SIAE: variants seen among roughly 807,000 people sequenced by gnomAD.
SIAE encodes the protein sialic acid acetylesterase, also known as sialate O-acetylesterase.
A neutral mutation model predicts 52.6 loss-of-function variants in SIAE; 39 were observed. The ratio of observed to expected loss-of-function variants is 0.74; its 90% CI spans 0.57 to 0.97. The LOEUF is 0.97. SIAE is among the 50% of genes least tolerant of loss of function. The pLI, the probability that SIAE is intolerant of heterozygous loss-of-function variation, is 0.00. For synonymous variants in SIAE, 233 were observed against 241.4 expected (o/e 0.97, Z 0.32); for missense variants, 592 against 662.1 (o/e 0.89, Z 1.16).
rs570074383 is a variant in SIAE at position 124,649,673 on chromosome 11, A to G, written c.668T>C (p.Ile223Thr). Residue 223 changes from isoleucine (I) to threonine (T), a missense_variant, in exon 5 of 10, where the codon ATT (isoleucine) becomes ACT (threonine). By Grantham distance (89) the Ile-to-Thr change is moderately conservative. Coordinates refer to ENST00000263593, the MANE Select transcript of SIAE (RefSeq NM_170601.5). ...LIASSWGGTPIEAWSSGRSLK... is the reference protein window; with the variant it reads ...LIASSWGGTPTEAWSSGRSLK... Reference sequence around the variant, plus strand: ...TGACCGTCCAGATGACCAGGCTTCAATGGGTGTCCCGCCCCAGCTGGAGGC... The same window carrying G: ...TGACCGTCCAGATGACCAGGCTTCAGTGGGTGTCCCGCCCCAGCTGGAGGC... The G allele has an allele frequency of 3.7e-6, 6 of 1,614,200 alleles. No homozygotes were observed. The highest frequency in any genetic ancestry group is 1.6e-4 in the Middle Eastern group (1 of 6,062).
chr11:124,660,460 T>A, intron 3 of SIAE, 168 bp downstream of exon 3: 2 of 720,422 alleles, frequency 2.8e-6, no homozygotes, highest in Non-Finnish European at 5.0e-6. Context: ...TCTCTTAAGA[T>A]TGTTAAGTCA....
chr11:124,639,901 T>G (rs776407134), intron 7 of SIAE, 34 bp from the exon 8 acceptor site: 2 of 1,611,558 alleles, frequency 1.2e-6, no homozygotes, highest in East Asian at 4.5e-5. Flanking sequence ...TTTTATTGTA[T>G]CAGAATCCCA....
intron 9 of SIAE, among the ~76,000 whole-genome samples, chr11:124,638,053 C>T (rs1008930329): frequency 4.6e-5 from 7 of 152,172 alleles, no homozygotes; most frequent in Admixed American, 2.6e-4. Flanking sequence ...AGAATGACCC[C>T]TGCTAGGTAT....
chr11:124,673,437 G>A (rs892006245), intron 1 of SIAE, among the ~76,000 whole-genome samples: 2 of 152,234 alleles, frequency 1.3e-5, no homozygotes, highest in East Asian at 3.8e-4. Flanking sequence ...TGGTAAGTGG[G>A]GGGTGGAGAA....
Position 124,669,443 on chromosome 11 carries a change from C to G in SIAE, c.146G>C (p.Gly49Ala). ...QKEPAGAVIWGFGTPGATVTV... is the reference protein window; with the variant it reads ...QKEPAGAVIWAFGTPGATVTV... Reference sequence around the variant, plus strand: ...CACTGTGGCTCCAGGTGTACCGAAGCCCCATATCACTGCCCCAGCAGGCTC... The same window carrying G: ...CACTGTGGCTCCAGGTGTACCGAAGGCCCATATCACTGCCCCAGCAGGCTC... Residue 49 changes from glycine to alanine, a missense_variant, in exon 2 of 10, where the codon GGC (glycine) becomes GCC (alanine). Coordinates refer to ENST00000263593, the MANE Select transcript of SIAE (RefSeq NM_170601.5). 1 of 1,614,142 alleles carries G rather than the reference C, an allele frequency of 6.2e-7. No homozygotes were observed. Among genetic ancestry groups the G allele is most frequent in the Non-Finnish European group, 8.5e-7 (1 of 1,180,002 alleles).
chr11:124,650,161 GCGATT>G (rs1942997914), intron 4 of SIAE, among the ~76,000 whole-genome samples: 1 of 152,134 alleles, frequency 6.6e-6, no homozygotes, highest in Admixed American at 6.5e-5. Context: ...AGATATGATA[GCGATT>G]TTGCTCTCAG....
intron 1 of SIAE, among the ~76,000 whole-genome samples, chr11:124,672,248 G>A (rs548332419): frequency 6.4e-4 from 98 of 152,282 alleles, no homozygotes; most frequent in Non-Finnish European, 1.0e-3. Context: ...TTTGGGGCTG[G>A]AGTAGAAAAA....
chr11:124,639,678 C>T (rs747192802), intron 8 of SIAE, 32 bp downstream of exon 8: 19 of 1,613,616 alleles, frequency 1.2e-5, no homozygotes, highest in Admixed American at 1.7e-5. Context: ...AGAACATACA[C>T]TGTTCATGCA....
intron 2 of SIAE, among the ~76,000 whole-genome samples, chr11:124,663,425 A>C (rs1943220291): frequency 6.6e-6 from 1 of 151,882 alleles, no homozygotes; most frequent in African/African-American, 2.4e-5. Context: ...AAATACAAAA[A>C]TGAGCTGGGC....
Position 124,645,581 on chromosome 11 carries a change from G to A in SIAE, c.966+1784C>T, listed in dbSNP as rs963702974. On this transcript the variant is annotated intron_variant, in intron 7 of 9. Transcript: ENST00000263593. The surrounding 1 kb of genome is among the most constrained non-coding windows in gnomAD (Gnocchi z 4.7). ...CTCCCAGAGTGCTGGGATTACAAGC[G>A]TGAGCCACCAAGCCCGGCCTGATTG... Among the ~76,000 whole-genome samples, 5 of 152,218 alleles carry A rather than the reference G, an allele frequency of 3.3e-5. No homozygotes were observed. Among genetic ancestry groups the A allele is most frequent in the Middle Eastern group, 3.4e-3 (1 of 294 alleles).
intron 7 of SIAE, among the ~76,000 whole-genome samples, chr11:124,644,842 C>T (rs1261180008): frequency 2.0e-5 from 3 of 152,170 alleles, no homozygotes; most frequent in South Asian, 2.1e-4. Flanking sequence ...CTCCGTGGAA[C>T]TCACATCCTC....
intron 9 of SIAE, 64 bp downstream of exon 9, chr11:124,638,478 A>T: frequency 3.2e-6 from 5 of 1,541,020 alleles, no homozygotes; most frequent in Non-Finnish European, 4.5e-6. Flanking sequence ...GATGGCCTCA[A>T]GTGCGGAGGA....
At chr11:124,652,712 G>T (rs980388307) in intron 4 of SIAE, among the ~76,000 whole-genome samples, 1 of 145,786 alleles carries the variant, frequency 6.9e-6, no homozygotes, top group Non-Finnish European at 1.5e-5. Flanking sequence ...AAAAAAAAAA[G>T]GGGGAAGAGC....
In SIAE at chr11:124,669,494, ATG is replaced by A; in HGVS notation, c.93_94del (p.Ile32GlnfsTer2). 1 of 1,614,158 alleles carries A rather than the reference ATG, an allele frequency of 6.2e-7. No individual in the cohort carries two copies. Among genetic ancestry groups the A allele is most frequent in the Non-Finnish European group, 8.5e-7 (1 of 1,180,020 alleles). ...CTTCTGCAGCACCATATCATTATTGATGTATGAAGCAAAGCGAAAACCAATAC... is the reference window on the plus strand; with the variant it reads ...CTTCTGCAGCACCATATCATTATTGATATGAAGCAAAGCGAAAACCAATAC... On this transcript the variant is annotated frameshift_variant, in exon 2 of 10. Transcript: ENST00000263593. LOFTEE classifies it high-confidence loss of function.
chr11:124,654,802 G>T lies in SIAE; in HGVS notation c.406-9C>A, dbSNP rs374796277. ...CTTGTAGCATTAAATATCTGGAAAA[G>T]AAATTGAAACGTCATTTAACCTAGC... On this transcript the variant is annotated splice_polypyrimidine_tract_variant and intron_variant, in intron 3 of 9. Coordinates refer to ENST00000263593, the MANE Select transcript of SIAE (RefSeq NM_170601.5). The T allele has an allele frequency of 7.6e-5, 122 of 1,612,992 alleles. 1 individual carries two copies. The African/African-American group carries it at 1.5e-3, about 20-fold the overall frequency.
chr11:124,672,421 A>G (rs955932174), intron 1 of SIAE, among the ~76,000 whole-genome samples: 6 of 152,134 alleles, frequency 3.9e-5, no homozygotes, highest in Admixed American at 3.9e-4. Flanking sequence ...TGTCATTGTT[A>G]CATATAATTT....
rs1942924417 is a variant in SIAE, at chr11:124,645,869, A to G, written c.966+1496T>C. Reference sequence around the variant, plus strand: ...GAAAGAAGAAAGAAAATAATCATAAAGGCATTTTAAGTGAGAAGGTCTATA... The same window carrying G: ...GAAAGAAGAAAGAAAATAATCATAAGGGCATTTTAAGTGAGAAGGTCTATA... On this transcript the variant is annotated intron_variant, in intron 7 of 9. Coordinates refer to ENST00000263593, the MANE Select transcript of SIAE (RefSeq NM_170601.5). The surrounding 1 kb of genome is among the most constrained non-coding windows in gnomAD (Gnocchi z 4.7). Among the ~76,000 whole-genome samples, 1 of 152,206 alleles carries G rather than the reference A, an allele frequency of 6.6e-6. No individual in the cohort carries two copies. Among genetic ancestry groups the G allele is most frequent in the African/African-American group, 2.4e-5 (1 of 41,462 alleles).
rs895812713 is a variant in SIAE at position 124,635,952 on chromosome 11, T to A, written c.*999A>T. 3 of 152,282 alleles carry A rather than the reference T, an allele frequency of 2.0e-5. No homozygotes were observed. The highest frequency in any genetic ancestry group is 6.5e-5 in the Admixed American group (1 of 15,306). The allele number at this position is 152,282 out of a possible 1,614,324, so 9.4% of individuals were successfully genotyped here. A position where few individuals can be genotyped will look rare whatever the true frequency, so the allele number is the denominator to read the frequency against. On this transcript the variant is annotated 3_prime_UTR_variant, in exon 10 of 10. Coordinates refer to ENST00000263593, the MANE Select transcript of SIAE (RefSeq NM_170601.5). ...TATTTGTATCATCTGCATTTTTTTT[T>A]ATATGCTTGTCATGTGGCTTTACTT...
In SIAE at chr11:124,636,809, A is replaced by G; in HGVS notation, c.*142T>C. The stretch of plus-strand genomic sequence containing the variant: ...TAAGCCTGGGCTCATCAGAATATAG[A>G]AACAGCCATGTGCTAGCTGAAAGCC... On this transcript the variant is annotated 3_prime_UTR_variant, in exon 10 of 10. Transcript: ENST00000263593. 1.7e-6 allele frequency: 2 copies of G among 1,209,832 alleles called. No individual in the cohort carries two copies. The highest frequency in any genetic ancestry group is 2.5e-5 in the South Asian group (2 of 79,012). 74.9% of individuals were successfully genotyped at this position (1,209,832 alleles called of 1,614,324 possible).
Sources: gnomAD v4.1 joint callset for allele counts (sites outside exome capture counted in the v4.1 genomes callset) on GRCh38, gnomAD v4.1.1 for gene constraint, Gnocchi (gnomAD v3.1) non-coding constraint, MANE v1.5 for transcripts, NCBI Gene and HGNC (gene_info 2026-07-23, HGNC 2026-07-21) for gene names.